Variants in GPC5 observed in about 807,000 individuals in gnomAD.
GPC5 encodes glypican-5.
A neutral mutation model predicts 53.9 loss-of-function variants in GPC5; 47 were observed. The ratio of observed to expected loss-of-function variants is 0.87; its 90% CI spans 0.69 to 1.11. The LOEUF (loss-of-function observed/expected upper bound fraction) is 1.11, where lower values mean the gene tolerates loss of function less well. Among genes scored for constraint, GPC5 ranks in the 50% most tolerant of loss-of-function variants. The pLI, the probability that GPC5 is intolerant of heterozygous loss-of-function variation, is 0.00. For missense variants in GPC5, 748 were observed against 713.1 expected (o/e 1.05, Z -0.56); for synonymous variants, 286 against 263.3 (o/e 1.09, Z -0.84).
chr13:91,429,106 G>C (rs546050904), intron 1 of GPC5, among the ~76,000 whole-genome samples: 1 of 152,260 alleles, frequency 6.6e-6, no homozygotes, highest in South Asian at 2.1e-4. Flanking sequence ...TTTTAGTAGA[G>C]ATGGGGTTTC....
intron 1 of GPC5, among the ~76,000 whole-genome samples, chr13:91,431,395 TCTC>T (rs1350427061): frequency 2.0e-5 from 3 of 152,172 alleles, no homozygotes; most frequent in Admixed American, 6.5e-5. Flanking sequence ...CAATCTGTCT[TCTC>T]CTACTACCTT....
intron 7 of GPC5, among the ~76,000 whole-genome samples, chr13:92,622,762 T>C (rs895706586): frequency 6.6e-6 from 1 of 152,094 alleles, no homozygotes; most frequent in African/African-American, 2.4e-5. Flanking sequence ...CCAACTACTC[T>C]TTTTAAAAAA....
chr13:92,495,269 A>G (rs1879928271), intron 7 of GPC5, among the ~76,000 whole-genome samples: 3 of 152,054 alleles, frequency 2.0e-5, no homozygotes. Flanking sequence ...CATCTTTGAT[A>G]TTTTGAAGTT....
At chr13:91,753,079 G>A (rs2037214173) in intron 4 of GPC5, among the ~76,000 whole-genome samples, 1 of 152,166 alleles carries the variant, frequency 6.6e-6, no homozygotes, top group Non-Finnish European at 1.5e-5. Flanking sequence ...TGGGGCTACT[G>A]TGTGTAAAGC....
At chr13:92,581,514 G>A (rs1402485491) in intron 7 of GPC5, among the ~76,000 whole-genome samples, 1 of 152,064 alleles carries the variant, frequency 6.6e-6, no homozygotes, top group Non-Finnish European at 1.5e-5. Context: ...TCTTGTGATA[G>A]TGCTGCAATG....
chr13:91,857,538 C>T (rs948761981), intron 5 of GPC5, among the ~76,000 whole-genome samples: 4 of 150,050 alleles, frequency 2.7e-5, no homozygotes, highest in African/African-American at 9.7e-5. Context: ...TGATTTTATA[C>T]ACAAATGATT....
At chr13:91,790,630 TTTA>T (rs777270551) in intron 5 of GPC5, among the ~76,000 whole-genome samples, 2 of 152,220 alleles carry the variant, frequency 1.3e-5, no homozygotes, top group Non-Finnish European at 2.9e-5. Context: ...GTTCAGAACA[TTTA>T]TTATTTCTTT....
intron 6 of GPC5, among the ~76,000 whole-genome samples, chr13:92,096,496 T>G (rs1261525923): frequency 6.6e-6 from 1 of 152,222 alleles, no homozygotes. Context: ...GGTATGAATG[T>G]ATTCAAATTC....
intron 7 of GPC5, among the ~76,000 whole-genome samples, chr13:92,833,369 T>C (rs1012685806): frequency 6.6e-6 from 1 of 152,110 alleles, no homozygotes; most frequent in African/African-American, 2.4e-5. Flanking sequence ...GATAAACAAA[T>C]TGATATAGAT....
At chr13:91,463,777 T>C (rs1434318989) in intron 2 of GPC5, among the ~76,000 whole-genome samples, 1 of 152,012 alleles carries the variant, frequency 6.6e-6, no homozygotes, top group Non-Finnish European at 1.5e-5. Flanking sequence ...GAACCCAAAA[T>C]AGATCATATA....
chr13:92,133,444 C>T (rs1228408754), intron 6 of GPC5, among the ~76,000 whole-genome samples: 2 of 152,170 alleles, frequency 1.3e-5, no homozygotes, highest in Non-Finnish European at 2.9e-5. Context: ...ATGAATTCTG[C>T]ATAGCTGGCT....
intron 3 of GPC5, among the ~76,000 whole-genome samples, chr13:91,714,873 G>A (rs975755057): frequency 6.6e-6 from 1 of 152,194 alleles, no homozygotes; most frequent in African/African-American, 2.4e-5. Context: ...GAAGAAAACA[G>A]CTTTGTTGAA....
chr13:92,497,279 TG>T (rs1456937865), intron 7 of GPC5, among the ~76,000 whole-genome samples: 1 of 152,188 alleles, frequency 6.6e-6, no homozygotes, highest in Non-Finnish European at 1.5e-5. Context: ...AGTTAATTTT[TG>T]TATGAGGTGT....
At chr13:92,258,542 T>C (rs1227934741) in intron 7 of GPC5, among the ~76,000 whole-genome samples, 1 of 152,170 alleles carries the variant, frequency 6.6e-6, no homozygotes, top group Non-Finnish European at 1.5e-5. Context: ...CATTTTAACT[T>C]ATAACTAGTG....
intron 6 of GPC5, among the ~76,000 whole-genome samples, chr13:91,992,075 T>C (rs1020362276): frequency 6.6e-6 from 1 of 152,188 alleles, no homozygotes; most frequent in African/African-American, 2.4e-5. Context: ...CCTTGTTCCA[T>C]TGCTCAGGCT....
chr13:92,385,365 T>TATATATAC (rs1457917598), intron 7 of GPC5, among the ~76,000 whole-genome samples: 4 of 46,782 alleles, frequency 8.6e-5, no homozygotes, highest in Admixed American at 2.6e-4. Flanking sequence ...CATATATACA[T>TATATATAC]ATATATACAT....
intron 7 of GPC5, chr13:92,180,940 AG>A (rs1473835862): frequency 1.3e-5 from 2 of 153,466 alleles, no homozygotes; most frequent in East Asian, 1.9e-4. Context: ...AATGAGAAAA[AG>A]GTGCGTGTAA....
rs532362966 is a variant in GPC5 at position 92,217,578 on chromosome 13, A to ATGC, written c.1561+72590_1561+72592dup. On this transcript the variant is annotated intron_variant, in intron 7 of 7. Transcript: ENST00000377067. ...TGTGGCTACAAATTCCCACTTGCCC[A>ATGC]TGCCGTATTCAGAGTGGAGCCCCGT... is the stretch of plus-strand genomic sequence containing the variant. Among the ~76,000 whole-genome samples, 35 of 152,310 alleles carry ATGC rather than the reference A, an allele frequency of 2.3e-4. No individual in the cohort carries two copies. In the South Asian group the frequency reaches 7.3e-3, roughly 32 times the overall value.
At chr13:92,382,577 AC>A (rs1250455181) in intron 7 of GPC5, among the ~76,000 whole-genome samples, 31 of 151,734 alleles carry the variant, frequency 2.0e-4, no homozygotes, top group African/African-American at 7.0e-4. Flanking sequence ...GAAGTTGTTC[AC>A]ACCAGACTCC....
Sources: allele counts gnomAD v4.1 joint callset (sites outside exome capture counted in the v4.1 genomes callset), GRCh38; gene constraint gnomAD v4.1.1; transcripts MANE v1.5; gene names NCBI Gene and HGNC (gene_info 2026-07-23, HGNC 2026-07-21).